The following GRM7 variants were observed in gnomAD, a reference collection of about 807,000 sequenced individuals.
GRM7 encodes the protein metabotropic glutamate receptor 7.
In GRM7, 35 loss-of-function variants were observed where a neutral mutation model predicts 84.5. That is an observed-to-expected ratio of 0.41 (90% CI 0.32 to 0.55). The LOEUF is 0.55. Ranked by LOEUF, GRM7 falls within the 20% of genes least tolerant of loss-of-function variation. The pLI is 0.19. For missense variants in GRM7, 1,003 were observed against 1,194.6 expected (o/e 0.84, Z 2.36); for synonymous variants, 487 against 455.1 (o/e 1.07, Z -0.89).
At chr3:7,270,646 A>G (rs942861462) in intron 2 of GRM7, among the ~76,000 whole-genome samples, 1 of 152,194 alleles carries the variant, frequency 6.6e-6, no homozygotes, top group African/African-American at 2.4e-5. Context: ...GAAGACCAGC[A>G]GCTTCAGCAT....
At chr3:7,619,467 A>G (rs770481895) in intron 8 of GRM7, among the ~76,000 whole-genome samples, 13 of 151,954 alleles carry the variant, frequency 8.6e-5, no homozygotes, top group Non-Finnish European at 1.8e-4. Flanking sequence ...GGATTAAGCA[A>G]AGGCCCAAAC....
intron 2 of GRM7, among the ~76,000 whole-genome samples, chr3:7,254,134 G>T (rs1027775558): frequency 2.0e-5 from 3 of 152,166 alleles, no homozygotes; most frequent in Admixed American, 6.5e-5. Flanking sequence ...CTTCAGCAAG[G>T]TCATGTCAGA....
intron 7 of GRM7, among the ~76,000 whole-genome samples, chr3:7,481,142 G>A (rs986841983): frequency 6.6e-6 from 1 of 151,648 alleles, no homozygotes; most frequent in African/African-American, 2.4e-5. Context: ...GCAGTGGTAT[G>A]GTCACAGCTT....
At chr3:7,176,253 A>G (rs1695145138) in intron 2 of GRM7, among the ~76,000 whole-genome samples, 1 of 123,706 alleles carries the variant, frequency 8.1e-6, no homozygotes, top group East Asian at 2.0e-4. Context: ...AAAAAAAAAA[A>G]AAAAAAAAAT....
intron 8 of GRM7, among the ~76,000 whole-genome samples, chr3:7,659,130 CAAATG>C (rs1449100074): frequency 6.6e-6 from 1 of 152,138 alleles, no homozygotes; most frequent in Admixed American, 6.5e-5. Flanking sequence ...TGATTTAAGC[CAAATG>C]AAATGAACAT....
At chr3:7,360,123 C>A (rs56230781) in intron 4 of GRM7, among the ~76,000 whole-genome samples, 2 of 133,404 alleles carry the variant, frequency 1.5e-5, no homozygotes, top group East Asian at 2.1e-4. Flanking sequence ...TTTCTCCCCC[C>A]CTTTTTTTTC....
rs116531049 is a variant in GRM7, at chr3:7,141,096, A to T, written c.520-5356A>T. 9.9e-3 allele frequency among the ~76,000 whole-genome samples: 1,511 copies of T among 152,186 alleles called. 21 individuals are homozygous for T. The highest frequency in any genetic ancestry group is 0.033 in the African/African-American group (1,355 of 41,564). ...ATTGCTCACTGTTCAGAAATAACAA[A>T]AGGGAAAGGAATTTTTCCTATTATC... On this transcript the variant is annotated intron_variant, in intron 1 of 9. Coordinates refer to ENST00000357716, the MANE Select transcript of GRM7 (RefSeq NM_000844.4).
intron 8 of GRM7, among the ~76,000 whole-genome samples, chr3:7,639,612 C>T (rs374121553): frequency 1.2e-3 from 181 of 152,210 alleles, no homozygotes; most frequent in African/African-American, 4.3e-3. Flanking sequence ...TAAAATTTCT[C>T]CTTCCTTTAA....
chr3:7,048,688 C>T (rs565137746), intron 1 of GRM7, among the ~76,000 whole-genome samples: 8 of 151,968 alleles, frequency 5.3e-5, no homozygotes, highest in South Asian at 2.1e-4. Flanking sequence ...ATGGTTAAAT[C>T]AAGCTAACAA....
intron 5 of GRM7, among the ~76,000 whole-genome samples, chr3:7,434,910 A>G (rs712779): frequency 0.74 from 113,073 of 151,982 alleles, 43,930 homozygotes; most frequent in Non-Finnish European, 0.86. Context: ...ATTCACAAAG[A>G]TAATCATCTG....
At chr3:7,562,047 G>T (rs1356978367) in intron 7 of GRM7, among the ~76,000 whole-genome samples, 1 of 152,064 alleles carries the variant, frequency 6.6e-6, no homozygotes, top group Non-Finnish European at 1.5e-5. Flanking sequence ...TGTTTCCTCA[G>T]GTTATCTGTT....
intron 1 of GRM7, among the ~76,000 whole-genome samples, chr3:6,921,940 C>A (rs1409389750): frequency 6.6e-6 from 1 of 152,108 alleles, no homozygotes; most frequent in African/African-American, 2.4e-5. Context: ...TTGCCACTTT[C>A]TAATACAGTA....
chr3:7,511,973 C>T (rs1256673348), intron 7 of GRM7, among the ~76,000 whole-genome samples: 1 of 151,952 alleles, frequency 6.6e-6, no homozygotes, highest in Non-Finnish European at 1.5e-5. Flanking sequence ...GAGACACTGT[C>T]TCCACAAAAA....
intron 6 of GRM7, among the ~76,000 whole-genome samples, chr3:7,454,012 G>T (rs975876274): frequency 2.0e-5 from 3 of 151,630 alleles, no homozygotes; most frequent in Non-Finnish European, 4.4e-5. Context: ...TGTTTTCTGA[G>T]GCCTAAAGTG....
Position 7,151,331 on chromosome 3 carries a change from C to T in GRM7, c.736+4663C>T, listed in dbSNP as rs542819295. On this transcript the variant is annotated intron_variant, in intron 2 of 9. Transcript: ENST00000357716. The surrounding 1 kb of genome is among the most constrained non-coding windows in gnomAD (Gnocchi z 4.5). ...CTGAGGCGGGAGAACTGCTTGAACCCAGGAGGCGGAGGTTGCAGTGAGCCG... is the reference window on the plus strand; with the variant it reads ...CTGAGGCGGGAGAACTGCTTGAACCTAGGAGGCGGAGGTTGCAGTGAGCCG... Among the ~76,000 whole-genome samples, 1 of 152,194 alleles carries T rather than the reference C, an allele frequency of 6.6e-6. No homozygotes were observed. Among genetic ancestry groups the T allele is most frequent in the Non-Finnish European group, 1.5e-5 (1 of 68,000 alleles).
In GRM7 at chr3:7,534,957, C is replaced by A. The variant is rs1383483587; in HGVS notation, c.1516-43465C>A. On this transcript the variant is annotated intron_variant, in intron 7 of 9. Transcript: ENST00000357716. Reference sequence around the variant, plus strand: ...AGTGTCATGAGAATGTACATGCGAGCTATTGCCCTCTTTCCACTTTTCCAC... The same window carrying A: ...AGTGTCATGAGAATGTACATGCGAGATATTGCCCTCTTTCCACTTTTCCAC... 2.0e-5 allele frequency among the ~76,000 whole-genome samples: 3 copies of A among 152,226 alleles called. No homozygotes were observed. In the South Asian group the frequency reaches 6.2e-4, roughly 32 times the overall value.
At chr3:7,370,858 G>A (rs1051094230) in intron 4 of GRM7, among the ~76,000 whole-genome samples, 2 of 152,102 alleles carry the variant, frequency 1.3e-5, no homozygotes, top group African/African-American at 4.8e-5. Flanking sequence ...GTGTGGTAAT[G>A]TGCCTGAACT....
intron 4 of GRM7, among the ~76,000 whole-genome samples, chr3:7,345,426 C>T (rs954898491): frequency 2.0e-5 from 3 of 151,816 alleles, no homozygotes; most frequent in Admixed American, 6.6e-5. Flanking sequence ...ATTACAGGCA[C>T]CCGCCACCAT....
At chr3:7,659,882 G>T (rs2125122092) in intron 8 of GRM7, among the ~76,000 whole-genome samples, 1 of 152,242 alleles carries the variant, frequency 6.6e-6, no homozygotes, top group South Asian at 2.1e-4. Flanking sequence ...TAATCACTGG[G>T]CGTTTGGTAC....
Sources: allele counts gnomAD v4.1 joint callset (sites outside exome capture counted in the v4.1 genomes callset), GRCh38; gene constraint gnomAD v4.1.1; non-coding constraint Gnocchi (gnomAD v3.1); transcripts MANE v1.5; gene names NCBI Gene and HGNC (gene_info 2026-07-23, HGNC 2026-07-21).